Variants in CTNNA3 observed in about 807,000 individuals in gnomAD.
CTNNA3 encodes catenin alpha 3.
Under a neutral mutation model 95.7 loss-of-function variants are expected in CTNNA3, and 76 were observed. That is an observed-to-expected ratio of 0.79 (90% CI 0.66 to 0.96). CTNNA3 has a LOEUF of 0.96. CTNNA3 is among the 40% of genes least tolerant of loss of function. The pLI, the probability that CTNNA3 is intolerant of heterozygous loss-of-function variation, is 0.00. For missense variants in CTNNA3, 1,191 were observed against 1,089.8 expected, an observed-to-expected ratio of 1.09 and a Z score of -1.31; for synonymous variants, 431 against 374.4, an observed-to-expected ratio of 1.15 and a Z score of -1.74.
In CTNNA3 at chr10:66,338,240, T is replaced by C. The variant is rs551557923; in HGVS notation, c.1732+40912A>G. The stretch of plus-strand genomic sequence containing the variant: ...CATAATTCGATTATATAAGATGTCA[T>C]AGAAAGGCAAATTTAAACTCACCAA... On this transcript the variant is annotated intron_variant, in intron 12 of 17. Coordinates refer to ENST00000433211, the MANE Select transcript of CTNNA3 (RefSeq NM_013266.4). 2.2e-4 allele frequency among the ~76,000 whole-genome samples: 33 copies of C among 152,102 alleles called. No individual in the cohort carries two copies. In the East Asian group the frequency reaches 3.5e-3, roughly 16 times the overall value.
intron 12 of CTNNA3, among the ~76,000 whole-genome samples, chr10:66,331,592 G>C (rs1280045343): frequency 6.6e-6 from 1 of 151,824 alleles, no homozygotes; most frequent in Non-Finnish European, 1.5e-5. Flanking sequence ...TGTCAGGTTT[G>C]TCAAATATCA....
chr10:66,397,779 A>G (rs2092990993), intron 11 of CTNNA3, among the ~76,000 whole-genome samples: 1 of 151,874 alleles, frequency 6.6e-6, no homozygotes, highest in Non-Finnish European at 1.5e-5. Context: ...CTTTTTCCAC[A>G]TGTGTACATC....
At chr10:66,104,724 G>A (rs2081815070) in intron 13 of CTNNA3, among the ~76,000 whole-genome samples, 1 of 152,184 alleles carries the variant, frequency 6.6e-6, no homozygotes, top group South Asian at 2.1e-4. Flanking sequence ...CAAAAACGAA[G>A]TAGAAGATGT....
intron 5 of CTNNA3, among the ~76,000 whole-genome samples, chr10:67,300,272 TTTG>T (rs1564546637): frequency 6.6e-6 from 1 of 152,168 alleles, no homozygotes; most frequent in East Asian, 1.9e-4. Context: ...AAACACCTCG[TTTG>T]TAATGATTAA....
At chr10:66,044,803 A>G (rs10996850) in intron 15 of CTNNA3, among the ~76,000 whole-genome samples, 27,781 of 152,202 alleles carry the variant, frequency 0.18, 2,715 homozygotes, top group South Asian at 0.34. Context: ...GAAAATAACA[A>G]TCACCATTTA....
chr10:66,041,741 T>G (rs2079692854), intron 15 of CTNNA3, among the ~76,000 whole-genome samples: 2 of 152,134 alleles, frequency 1.3e-5, no homozygotes, highest in South Asian at 4.1e-4. Context: ...TTCTAAATAA[T>G]TCTTGAATCT....
intron 15 of CTNNA3, among the ~76,000 whole-genome samples, chr10:66,003,434 G>A (rs796312919): frequency 6.6e-5 from 10 of 151,492 alleles, no homozygotes; most frequent in Non-Finnish European, 1.2e-4. Flanking sequence ...TCTGTTCTTC[G>A]GTCCTCAAAT....
chr10:67,030,393 A>G lies in CTNNA3; in HGVS notation c.1047+149924T>C, dbSNP rs1437060805. ...ATTATAAAATTAATGAAATATTTAA[A>G]TAGCTCACCAGTTAAAAATTTAGGC... is the stretch of plus-strand genomic sequence containing the variant. On this transcript the variant is annotated intron_variant, in intron 7 of 17. Coordinates refer to ENST00000433211, the MANE Select transcript of CTNNA3 (RefSeq NM_013266.4). Among the ~76,000 whole-genome samples, 9 of 152,296 alleles carry G rather than the reference A, an allele frequency of 5.9e-5. No homozygotes were observed. The South Asian group carries it at 1.0e-3, about 18-fold the overall frequency.
At chr10:66,322,562 T>A (rs955496045) in intron 12 of CTNNA3, among the ~76,000 whole-genome samples, 7 of 152,044 alleles carry the variant, frequency 4.6e-5, no homozygotes, top group African/African-American at 1.7e-4. Context: ...TCTATACAGA[T>A]TTCCTGGAAT....
chr10:67,151,859 T>C (rs1861101225), intron 7 of CTNNA3, among the ~76,000 whole-genome samples: 2 of 152,212 alleles, frequency 1.3e-5, no homozygotes, highest in African/African-American at 4.8e-5. Context: ...TTAAAAACTC[T>C]TGTTCTTATA....
intron 7 of CTNNA3, chr10:66,928,227 T>A (rs936201256): frequency 6.8e-6 from 11 of 1,614,070 alleles, no homozygotes; most frequent in Non-Finnish European, 9.3e-6. Context: ...TCCTGCTGGT[T>A]ATCTACGTGT....
rs528861530 is a variant in CTNNA3, at chr10:67,119,048, A to C, written c.1047+61269T>G. Reference sequence around the variant, plus strand: ...TTTCTGGACTGTTTGGGACTAAGAAAGTAGGCCAATATAACTGGAGTAAAG... The same window carrying C: ...TTTCTGGACTGTTTGGGACTAAGAACGTAGGCCAATATAACTGGAGTAAAG... On this transcript the variant is annotated intron_variant, in intron 7 of 17. Coordinates refer to ENST00000433211, the MANE Select transcript of CTNNA3 (RefSeq NM_013266.4). 2.6e-5 allele frequency among the ~76,000 whole-genome samples: 4 copies of C among 152,084 alleles called. No individual in the cohort carries two copies. The East Asian group carries it at 7.7e-4, about 29-fold the overall frequency.
In CTNNA3 at chr10:66,471,807, C is replaced by G. The variant is rs181069851; in HGVS notation, c.1531+48810G>C. Among the ~76,000 whole-genome samples the G allele has an allele frequency of 7.9e-5, 12 of 151,530 alleles. No individual in the cohort carries two copies. The East Asian group carries it at 2.3e-3, about 30-fold the overall frequency. ...TCTGGGTGATAAATAAAACGCTTTC[C>G]CATGCTGTCCTTACACTGATTATAC... On this transcript the variant is annotated intron_variant, in intron 11 of 17. Coordinates refer to ENST00000433211, the MANE Select transcript of CTNNA3 (RefSeq NM_013266.4).
At chr10:66,360,899 TTCTCTC>T (rs368267520) in intron 12 of CTNNA3, among the ~76,000 whole-genome samples, 1 of 107,806 alleles carries the variant, frequency 9.3e-6, no homozygotes, top group East Asian at 2.1e-4. Flanking sequence ...CTTTATTTCT[TTCTCTC>T]TCTCTCTCTC....
chr10:66,238,249 T>A (rs1043734863), intron 13 of CTNNA3, among the ~76,000 whole-genome samples: 1 of 152,026 alleles, frequency 6.6e-6, no homozygotes, highest in Non-Finnish European at 1.5e-5. Context: ...TACATCAGGT[T>A]ATAAATATTA....
At chr10:66,607,316 A>C (rs1454174436) in intron 10 of CTNNA3, among the ~76,000 whole-genome samples, 1 of 151,924 alleles carries the variant, frequency 6.6e-6, no homozygotes, top group East Asian at 1.9e-4. Flanking sequence ...AAAATGCAGG[A>C]TCAGATGGAT....
At chr10:66,564,603 G>C (rs1404425342) in intron 10 of CTNNA3, among the ~76,000 whole-genome samples, 1 of 152,120 alleles carries the variant, frequency 6.6e-6, no homozygotes, top group Non-Finnish European at 1.5e-5. Context: ...TGAATGCTGA[G>C]GTCTTCTCTT....
intron 9 of CTNNA3, among the ~76,000 whole-genome samples, chr10:66,683,462 C>G (rs1194146347): frequency 6.6e-6 from 1 of 152,130 alleles, no homozygotes; most frequent in Non-Finnish European, 1.5e-5. Flanking sequence ...AATACACCAT[C>G]ATTACTTATA....
chr10:66,213,709 G>C (rs1362223988), intron 13 of CTNNA3, among the ~76,000 whole-genome samples: 1 of 152,110 alleles, frequency 6.6e-6, no homozygotes, highest in Non-Finnish European at 1.5e-5. Context: ...TTATTTCACA[G>C]TATTTCCTAG....
Sources: allele counts gnomAD v4.1 joint callset (sites outside exome capture counted in the v4.1 genomes callset), GRCh38; gene constraint gnomAD v4.1.1; transcripts MANE v1.5; gene names NCBI Gene and HGNC (gene_info 2026-07-23, HGNC 2026-07-21).